Variants in SLC35F4 observed in about 807,000 individuals in gnomAD.
SLC35F4 encodes the protein solute carrier family 35 member F4.
A neutral mutation model predicts 44.2 loss-of-function variants in SLC35F4; 24 were observed. The ratio of observed to expected loss-of-function variants is 0.54; its 90% CI spans 0.39 to 0.76. The LOEUF is 0.76. SLC35F4 is among the 30% of genes least tolerant of loss of function. SLC35F4 has a pLI of 0.00. For synonymous variants in SLC35F4, 238 were observed against 223.6 expected (o/e 1.06, Z -0.57); for missense variants, 562 against 586.1 (o/e 0.96, Z 0.42).
At chr14:57,743,810 G>A (rs995282659) in intron 1 of SLC35F4, among the ~76,000 whole-genome samples, 1 of 152,020 alleles carries the variant, frequency 6.6e-6, no homozygotes, top group African/African-American at 2.4e-5. Context: ...GATGAACATC[G>A]ATGCAAAAAA....
intron 1 of SLC35F4, among the ~76,000 whole-genome samples, chr14:57,937,605 GA>G (rs758320402): frequency 0.011 from 612 of 54,178 alleles, 8 homozygotes; most frequent in Middle Eastern, 0.039. Context: ...GAAAAGAAAA[GA>G]AAAGAAAAGA....
At chr14:57,808,987 C>T (rs982892040) in intron 1 of SLC35F4, among the ~76,000 whole-genome samples, 3 of 152,180 alleles carry the variant, frequency 2.0e-5, no homozygotes, top group Non-Finnish European at 4.4e-5. Context: ...AGCCCTGAAT[C>T]ACTCTGAGTT....
At chr14:57,751,374 GGC>G (rs1158736483) in intron 1 of SLC35F4, among the ~76,000 whole-genome samples, 1 of 152,148 alleles carries the variant, frequency 6.6e-6, no homozygotes, top group African/African-American at 2.4e-5. Flanking sequence ...CCAGTAATAA[GGC>G]AAGTGAGTTC....
chr14:57,937,114 C>T (rs1166554011), intron 1 of SLC35F4, among the ~76,000 whole-genome samples: 1 of 149,072 alleles, frequency 6.7e-6, no homozygotes, highest in Non-Finnish European at 1.5e-5. Context: ...GTCACCCAGG[C>T]TGGAGTGCAA....
intron 2 of SLC35F4, among the ~76,000 whole-genome samples, chr14:57,590,226 CAA>C (rs55850524): frequency 6.7e-5 from 8 of 119,162 alleles, no homozygotes; most frequent in Admixed American, 8.5e-5. Context: ...CTTGTCTATG[CAA>C]AAAAAAAAAA....
At chr14:57,620,279 G>T (rs898482893) in intron 1 of SLC35F4, among the ~76,000 whole-genome samples, 1 of 152,130 alleles carries the variant, frequency 6.6e-6, no homozygotes, top group Non-Finnish European at 1.5e-5. Flanking sequence ...AATGTTAAGG[G>T]CAGCCAGAGA....
At chr14:57,790,807 A>T (rs2077898875) in intron 1 of SLC35F4, among the ~76,000 whole-genome samples, 1 of 152,176 alleles carries the variant, frequency 6.6e-6, no homozygotes, top group African/African-American at 2.4e-5. Flanking sequence ...ATGGAACAGA[A>T]CAGAGGCCTC....
At chr14:57,948,514 T>G (rs74769028) in intron 1 of SLC35F4, among the ~76,000 whole-genome samples, 1,745 of 152,268 alleles carry the variant, frequency 0.011, 28 homozygotes, top group African/African-American at 0.04. Flanking sequence ...TTGTATTGTA[T>G]TTTTTGTTTC....
At position 57,936,455 on chromosome 14, in the gene SLC35F4, T is replaced by A. The variant is rs530647833; in HGVS notation, n.282+45458A>T. ...AGACTGGCAGCGCCACTGGTTCAGA[T>A]CTTCTTCCATTAAACTAGACCAGTG... On this transcript the variant is annotated intron_variant and non_coding_transcript_variant, in intron 1 of 1. Transcript: ENST00000556568. Among the ~76,000 whole-genome samples the A allele has an allele frequency of 4.6e-5, 7 of 152,326 alleles. No homozygotes were observed. The South Asian group carries it at 8.3e-4, about 18-fold the overall frequency.
At chr14:57,573,023 C>T (rs956178522) in intron 4 of SLC35F4, among the ~76,000 whole-genome samples, 1 of 152,090 alleles carries the variant, frequency 6.6e-6, no homozygotes, top group Non-Finnish European at 1.5e-5. Context: ...CTGAGTATTC[C>T]CAAGTAAAGA....
chr14:57,916,154 G>C (rs1011002394), intron 1 of SLC35F4, among the ~76,000 whole-genome samples: 6 of 152,136 alleles, frequency 3.9e-5, no homozygotes, highest in African/African-American at 1.4e-4. Flanking sequence ...CAATGGAAGG[G>C]GGAAGCAGGG....
chr14:57,807,749 T>C (rs1052373406), intron 1 of SLC35F4, among the ~76,000 whole-genome samples: 1 of 151,930 alleles, frequency 6.6e-6, no homozygotes, highest in Admixed American at 6.5e-5. Flanking sequence ...ACTTTTTTTC[T>C]ATTAAAAGGC....
At chr14:57,942,197 G>GA (rs1440325388) in intron 1 of SLC35F4, among the ~76,000 whole-genome samples, 5 of 152,186 alleles carry the variant, frequency 3.3e-5, no homozygotes, top group African/African-American at 1.2e-4. Context: ...TTCTTACAGA[G>GA]AATGTTCCAG....
At chr14:57,610,080 T>C (rs1595040692) in intron 1 of SLC35F4, among the ~76,000 whole-genome samples, 1 of 151,992 alleles carries the variant, frequency 6.6e-6, no homozygotes. Flanking sequence ...GCTAGAGGAG[T>C]TTTGGCAACT....
chr14:57,740,281 G>T (rs1218687605), intron 1 of SLC35F4, among the ~76,000 whole-genome samples: 1 of 152,120 alleles, frequency 6.6e-6, no homozygotes, highest in Non-Finnish European at 1.5e-5. Context: ...ATGATAATTT[G>T]TCATATACTT....
Position 57,673,859 on chromosome 14 carries a change from C to A in SLC35F4, c.104-79735G>T, listed in dbSNP as rs373655849. Among the ~76,000 whole-genome samples the A allele has an allele frequency of 8.6e-5, 13 of 151,872 alleles. 1 individual carries two copies. The highest frequency in any genetic ancestry group is 2.9e-4 in the African/African-American group (12 of 41,278). ...AGAACTTCTGCTCATTATTGTACAC[C>A]ACTAGCAAAATTAATAAGACTACTA... On this transcript the variant is annotated intron_variant, in intron 1 of 7. Transcript: ENST00000556826.
At chr14:57,969,918 G>A (rs138776482) in intron 1 of SLC35F4, among the ~76,000 whole-genome samples, 84 of 152,104 alleles carry the variant, frequency 5.5e-4, no homozygotes, top group Non-Finnish European at 1.1e-3. Flanking sequence ...ATTTTCACTG[G>A]GAGCCCCCAC....
intron 1 of SLC35F4, among the ~76,000 whole-genome samples, chr14:57,777,160 C>T (rs145523204): frequency 0.011 from 1,610 of 152,320 alleles, 26 homozygotes; most frequent in African/African-American, 0.036. Context: ...GAAATAGGAA[C>T]ACTTTTACAC....
chr14:57,720,225 T>C (rs1753294436), intron 1 of SLC35F4, among the ~76,000 whole-genome samples: 4 of 152,128 alleles, frequency 2.6e-5, no homozygotes, highest in Non-Finnish European at 5.9e-5. Context: ...ATTGTTGAAT[T>C]TGGTTTGCTA....
Sources: allele counts gnomAD v4.1 joint callset (sites outside exome capture counted in the v4.1 genomes callset), GRCh38; gene constraint gnomAD v4.1.1; transcripts MANE v1.5; gene names NCBI Gene and HGNC (gene_info 2026-07-23, HGNC 2026-07-21).